KLRG1: variants seen among roughly 807,000 people sequenced by gnomAD.
The protein encoded by KLRG1 is killer cell lectin-like receptor subfamily G member 1.
Under a neutral mutation model 21.8 loss-of-function variants are expected in KLRG1, and 16 were observed. The observed-to-expected ratio is 0.73, with a 90% CI of 0.50 to 1.11. KLRG1 has a LOEUF of 1.11. Among genes scored for constraint, KLRG1 ranks in the 50% most tolerant of loss-of-function variants. The probability of loss-of-function intolerance (pLI) is 0.00; values close to 1 mark genes in which losing one functional copy is unlikely to be tolerated. For missense variants in KLRG1, 173 were observed against 218.3 expected, an observed-to-expected ratio of 0.79 and a Z score of 1.31; for synonymous variants, 69 against 75.9, an observed-to-expected ratio of 0.91 and a Z score of 0.47.
chr12:9,121,040 C>T, the KLRG1 span, among the ~76,000 whole-genome samples: 1 of 151,778 alleles, frequency 6.6e-6, no homozygotes, highest in Non-Finnish European at 1.5e-5. The surrounding 1 kb of genome is among the most constrained non-coding windows in gnomAD (Gnocchi z 4.4). Context: ...TCCACCACGC[C>T]CCGCTAATTT....
At chr12:9,192,069 T>A in the KLRG1 span, 2 of 785,804 alleles carry the variant, frequency 2.5e-6, no homozygotes, top group Non-Finnish European at 4.3e-6. Context: ...AGACGAGTAT[T>A]TTCCTGCGTG....
the KLRG1 span, among the ~76,000 whole-genome samples, chr12:9,177,590 CTTT>C: frequency 1.3e-5 from 2 of 152,176 alleles, no homozygotes; most frequent in African/African-American, 2.4e-5. Flanking sequence ...CTTTCTACTT[CTTT>C]ATTTACCTTT....
At chr12:9,189,348 A>G in the KLRG1 span, among the ~76,000 whole-genome samples, 2 of 152,204 alleles carry the variant, frequency 1.3e-5, no homozygotes, top group African/African-American at 4.8e-5. Context: ...AATGCTGCAC[A>G]CCCACAACCA....
chr12:9,052,797 A>G, the KLRG1 span: 1 of 443,774 alleles, frequency 2.3e-6, no homozygotes, highest in Admixed American at 2.6e-5. Flanking sequence ...GGGATTAATA[A>G]TAGTATCTAC....
chr12:8,956,635 T>C (rs745344294), intron 1 of KLRG1, among the ~76,000 whole-genome samples: 3 of 152,006 alleles, frequency 2.0e-5, no homozygotes, highest in Non-Finnish European at 4.4e-5. Flanking sequence ...TTAGTAGAGA[T>C]GGGGTTTCGC....
chr12:9,197,455 T>C, the KLRG1 span, among the ~76,000 whole-genome samples: 1 of 132,310 alleles, frequency 7.6e-6, no homozygotes, highest in East Asian at 2.1e-4. Context: ...TGCTTAATAA[T>C]ATATAATAAT....
chr12:9,029,169 CA>C, the KLRG1 span: 2 of 268,998 alleles, frequency 7.4e-6, no homozygotes, highest in Non-Finnish European at 1.4e-5. Flanking sequence ...ATTTTCTTAG[CA>C]ATTTTCAAGA....
the KLRG1 span, among the ~76,000 whole-genome samples, chr12:9,164,759 G>C: frequency 7.6e-4 from 115 of 152,290 alleles, no homozygotes; most frequent in Non-Finnish European, 1.4e-3. Flanking sequence ...AGTGCTATAA[G>C]ATAAATTAAA....
chr12:9,095,464 C>T, the KLRG1 span: 1 of 1,440,844 alleles, frequency 6.9e-7, no homozygotes, highest in Non-Finnish European at 9.6e-7. Context: ...TGAAGGCATT[C>T]AAATACAGAC....
At chr12:9,201,621 T>C in the KLRG1 span, among the ~76,000 whole-genome samples, 3 of 152,292 alleles carry the variant, frequency 2.0e-5, no homozygotes, top group Admixed American at 6.5e-5. Context: ...TAATATTATT[T>C]GGATACTAAA....
the KLRG1 span, among the ~76,000 whole-genome samples, chr12:9,029,607 C>G: frequency 2.6e-4 from 40 of 152,130 alleles, no homozygotes; most frequent in African/African-American, 9.4e-4. Flanking sequence ...AAGTATCTCC[C>G]CAATCCCCCC....
the KLRG1 span, among the ~76,000 whole-genome samples, chr12:9,028,449 CTTT>C: frequency 6.9e-6 from 1 of 144,362 alleles, no homozygotes; most frequent in African/African-American, 2.6e-5. Context: ...CACGCCAGGC[CTTT>C]TTTTTTTTTG....
At chr12:9,197,647 T>C in the KLRG1 span, among the ~76,000 whole-genome samples, 1 of 99,488 alleles carries the variant, frequency 1.0e-5, no homozygotes, top group East Asian at 2.5e-4. Context: ...TTATATTATA[T>C]AATATAATAT....
chr12:8,954,348 CA>C (rs996996652), intron 1 of KLRG1, among the ~76,000 whole-genome samples: 1 of 151,354 alleles, frequency 6.6e-6, no homozygotes, highest in African/African-American at 2.4e-5. Flanking sequence ...TAGTGTGTAA[CA>C]TAAGGACTAT....
chr12:9,185,075 G>T, the KLRG1 span, among the ~76,000 whole-genome samples: 1 of 152,166 alleles, frequency 6.6e-6, no homozygotes, highest in Non-Finnish European at 1.5e-5. Flanking sequence ...TCTTAATAGG[G>T]CTGAGATGGC....
the KLRG1 span, chr12:9,095,566 A>G: frequency 6.2e-7 from 1 of 1,612,592 alleles, no homozygotes; most frequent in Admixed American, 1.7e-5. Flanking sequence ...TATCCTTTTC[A>G]TTTGTACTTG....
the KLRG1 span, among the ~76,000 whole-genome samples, chr12:9,203,012 C>G: frequency 2.0e-5 from 3 of 152,146 alleles, no homozygotes; most frequent in African/African-American, 7.2e-5. Flanking sequence ...AGCTGAGTTT[C>G]CCAAGTTAGG....
At chr12:9,047,758 T>C in the KLRG1 span, among the ~76,000 whole-genome samples, 1 of 152,180 alleles carries the variant, frequency 6.6e-6, no homozygotes, top group Admixed American at 6.5e-5. Flanking sequence ...AGTAGCTATA[T>C]TAATTTCAGA....
the KLRG1 span, chr12:9,070,722 G>A: frequency 3.3e-6 from 2 of 612,348 alleles, no homozygotes; most frequent in Non-Finnish European, 5.7e-6. Context: ...TGTAAAAGTG[G>A]TGTGCGTAGA....
Sources: gnomAD v4.1 joint callset for allele counts (sites outside exome capture counted in the v4.1 genomes callset) on GRCh38, gnomAD v4.1.1 for gene constraint, Gnocchi (gnomAD v3.1) non-coding constraint, MANE v1.5 for transcripts, NCBI Gene and HGNC (gene_info 2026-07-23, HGNC 2026-07-21) for gene names.